The following GABRR3 variants were observed in gnomAD, a reference collection of about 807,000 sequenced individuals.
GABRR3 encodes gamma-aminobutyric acid type A receptor subunit rho3.
Under a neutral mutation model 43.2 loss-of-function variants are expected in GABRR3, and 29 were observed. The observed-to-expected ratio is 0.67, with a 90% CI of 0.50 to 0.92. The LOEUF is 0.92. Ranked by LOEUF, GABRR3 falls within the 40% of genes least tolerant of loss-of-function variation. The pLI is 0.00. For synonymous variants in GABRR3, 206 were observed against 195.9 expected (o/e 1.05, Z -0.43); for missense variants, 576 against 572.3 (o/e 1.01, Z -0.07).
chr3:97,993,081 T>C (rs542615536), intron 8 of GABRR3, 33 bp from the exon 9 acceptor site: 1 of 1,505,542 alleles, frequency 6.6e-7, no homozygotes, highest in East Asian at 2.3e-5. Flanking sequence ...AGCTCAGTGA[T>C]ATAGCCATTC....
chr3:98,004,035 A>G (rs1030001250), intron 7 of GABRR3, among the ~76,000 whole-genome samples: 1 of 152,192 alleles, frequency 6.6e-6, no homozygotes, highest in Non-Finnish European at 1.5e-5. Flanking sequence ...AGTTAATAAC[A>G]GAGAGAAAAA....
chr3:98,010,500 C>A (rs962426943), intron 5 of GABRR3, among the ~76,000 whole-genome samples: 1 of 152,100 alleles, frequency 6.6e-6, no homozygotes, highest in Non-Finnish European at 1.5e-5. Context: ...AAGTCTCCAC[C>A]GTAAATCACA....
At chr3:98,019,667 C>A (rs1337600701) in intron 3 of GABRR3, among the ~76,000 whole-genome samples, 1 of 152,082 alleles carries the variant, frequency 6.6e-6, no homozygotes, top group African/African-American at 2.4e-5. Flanking sequence ...CTCACTGCAA[C>A]CTCTGCCTCC....
At chr3:97,992,086 C>T (rs1156357514) in intron 9 of GABRR3, among the ~76,000 whole-genome samples, 1 of 152,120 alleles carries the variant, frequency 6.6e-6, no homozygotes, top group East Asian at 1.9e-4. Context: ...GTGCCCAAAT[C>T]CTCTGTGAAA....
intron 2 of GABRR3, among the ~76,000 whole-genome samples, chr3:98,032,307 C>T (rs1017279994): frequency 1.3e-5 from 2 of 152,080 alleles, no homozygotes; most frequent in Non-Finnish European, 2.9e-5. Flanking sequence ...ATAATGTGTG[C>T]TTTTAACAGC....
At chr3:97,998,629 C>T (rs1706592111) in intron 8 of GABRR3, 1 of 152,076 alleles carries the variant, frequency 6.6e-6, no homozygotes, top group Non-Finnish European at 1.5e-5. Context: ...ATACTACTCC[C>T]TTTTCAAACT....
chr3:98,014,827 C>T lies in GABRR3; in HGVS notation c.307-2260G>A, dbSNP rs553131725. On this transcript the variant is annotated intron_variant, in intron 4 of 9. Transcript: ENST00000621172. ...TTAGTGATTGATATTTTCTAGGTCCCTCCCTCAACAGATCCCTGTTTGTTC... is the reference window on the plus strand; with the variant it reads ...TTAGTGATTGATATTTTCTAGGTCCTTCCCTCAACAGATCCCTGTTTGTTC... Among the ~76,000 whole-genome samples the T allele has an allele frequency of 1.4e-4, 21 of 152,242 alleles. No individual in the cohort carries two copies. The South Asian group carries it at 3.5e-3, about 26-fold the overall frequency.
chr3:98,024,049 T>C (rs1408108129), intron 3 of GABRR3, among the ~76,000 whole-genome samples: 1 of 152,174 alleles, frequency 6.6e-6, no homozygotes, highest in African/African-American at 2.4e-5. Context: ...ACAAATGTGA[T>C]GAAATCAAGG....
intron 4 of GABRR3, among the ~76,000 whole-genome samples, chr3:98,016,315 T>G (rs1036134816): frequency 3.9e-5 from 6 of 152,110 alleles, no homozygotes; most frequent in African/African-American, 1.4e-4. Flanking sequence ...GACAGTCTTC[T>G]CCCTTCTTCA....
chr3:97,988,494 A>G (rs1316535682), intron 9 of GABRR3, among the ~76,000 whole-genome samples: 1 of 152,182 alleles, frequency 6.6e-6, no homozygotes, highest in Non-Finnish European at 1.5e-5. Context: ...GGTGGTTGGA[A>G]TATGTACATG....
At chr3:98,028,222 G>C (rs1707046473) in intron 2 of GABRR3, among the ~76,000 whole-genome samples, 1 of 151,880 alleles carries the variant, frequency 6.6e-6, no homozygotes, top group South Asian at 2.1e-4. Flanking sequence ...AATAAAACTC[G>C]GTTTTTGCAT....
chr3:97,995,122 G>T (rs1706518751), intron 8 of GABRR3, among the ~76,000 whole-genome samples: 1 of 152,046 alleles, frequency 6.6e-6, no homozygotes, highest in African/African-American at 2.4e-5. Context: ...GGGATTACAG[G>T]CATGCACCAC....
At chr3:98,022,624 A>G (rs1307070164) in intron 3 of GABRR3, among the ~76,000 whole-genome samples, 3 of 152,234 alleles carry the variant, frequency 2.0e-5, no homozygotes, top group African/African-American at 4.8e-5. Context: ...AGAGAAGGTT[A>G]AGGGGTGTCT....
At chr3:98,015,251 G>A (rs1706858845) in intron 4 of GABRR3, among the ~76,000 whole-genome samples, 4 of 152,182 alleles carry the variant, frequency 2.6e-5, no homozygotes, top group African/African-American at 9.7e-5. Context: ...TAATTGCAGT[G>A]GTGTGATCTT....
intron 3 of GABRR3, among the ~76,000 whole-genome samples, chr3:98,022,515 G>T (rs1046593617): frequency 5.3e-5 from 8 of 152,180 alleles, no homozygotes; most frequent in African/African-American, 1.9e-4. Flanking sequence ...ATTAAAGCTT[G>T]TCTTTTATAT....
chr3:98,010,587 AG>A (rs1204362357), intron 5 of GABRR3, among the ~76,000 whole-genome samples: 8 of 152,232 alleles, frequency 5.3e-5, no homozygotes, highest in Non-Finnish European at 1.0e-4. Context: ...GGATATTCCA[AG>A]GGGTTAGAGG....
intron 6 of GABRR3, among the ~76,000 whole-genome samples, chr3:98,008,138 C>T (rs1171528192): frequency 6.6e-6 from 1 of 152,092 alleles, no homozygotes; most frequent in Non-Finnish European, 1.5e-5. Context: ...GATCTTGTGC[C>T]CACACAATGA....
intron 5 of GABRR3, among the ~76,000 whole-genome samples, chr3:98,009,662 T>C (rs978356878): frequency 6.6e-6 from 1 of 152,200 alleles, no homozygotes; most frequent in African/African-American, 2.4e-5. Context: ...GAGGCTGCTG[T>C]ACTATGATCT....
intron 2 of GABRR3, among the ~76,000 whole-genome samples, chr3:98,031,174 G>T (rs1707082543): frequency 6.6e-6 from 1 of 152,188 alleles, no homozygotes; most frequent in Non-Finnish European, 1.5e-5. Flanking sequence ...GAACATTTCT[G>T]TGGAAAAGCC....
Sources: allele counts gnomAD v4.1 joint callset (sites outside exome capture counted in the v4.1 genomes callset), GRCh38; gene constraint gnomAD v4.1.1; transcripts MANE v1.5; gene names NCBI Gene and HGNC (gene_info 2026-07-23, HGNC 2026-07-21).